TRPM7: variants seen among roughly 807,000 people sequenced by gnomAD.
The protein encoded by TRPM7 is transient receptor potential cation channel subfamily M member 7.
TRPM7 carries 134 observed loss-of-function variants against 229.7 expected under a neutral mutation model. That is an observed-to-expected ratio of 0.58 (90% confidence interval 0.51 to 0.67). The LOEUF (loss-of-function observed/expected upper bound fraction) is 0.67, where lower values mean the gene tolerates loss of function less well. TRPM7 is among the 30% of genes least tolerant of loss of function. TRPM7 has a pLI of 0.00. For missense variants in TRPM7, 1,901 were observed against 2,210.0 expected, an observed-to-expected ratio of 0.86 and a Z score of 2.80; for synonymous variants, 699 against 715.2, an observed-to-expected ratio of 0.98 and a Z score of 0.36.
At chr15:50,596,509 T>A in intron 22 of TRPM7, 128 bp from the exon 23 acceptor site, 3 of 758,970 alleles carry the variant, frequency 4.0e-6, no homozygotes, top group Non-Finnish European at 5.7e-6. Context: ...CAAATCTGTT[T>A]CACAGATTCC....
chr15:50,653,739 G>T (rs1276636282), intron 3 of TRPM7, among the ~76,000 whole-genome samples: 1 of 152,042 alleles, frequency 6.6e-6, no homozygotes, highest in African/African-American at 2.4e-5. Flanking sequence ...CAGAGAAAAG[G>T]GAGCTATAAA....
intron 6 of TRPM7, 30 bp from the exon 7 acceptor site, chr15:50,637,623 A>G: frequency 6.3e-7 from 1 of 1,592,738 alleles, no homozygotes; most frequent in Non-Finnish European, 8.6e-7. Flanking sequence ...AGAGTTAGTG[A>G]GCAGGATTAA....
chr15:50,631,525 T>C (rs774214888), intron 9 of TRPM7, 36 bp from the exon 10 acceptor site: 1 of 1,434,530 alleles, frequency 7.0e-7, no homozygotes, highest in South Asian at 1.2e-5. Context: ...TATGCCTTTA[T>C]ATTTTTAAAA....
intron 33 of TRPM7, 42 bp from the exon 34 acceptor site, chr15:50,575,177 T>C (rs1419621018): frequency 6.7e-7 from 1 of 1,502,642 alleles, no homozygotes; most frequent in Non-Finnish European, 8.9e-7. Flanking sequence ...AATTGTGACT[T>C]TTTAAAAACG....
At chr15:50,577,681 T>C (rs2054201604) in intron 31 of TRPM7, among the ~76,000 whole-genome samples, 1 of 152,178 alleles carries the variant, frequency 6.6e-6, no homozygotes, top group African/African-American at 2.4e-5. Flanking sequence ...GAACACATGC[T>C]AACTCTGACT....
intron 10 of TRPM7, among the ~76,000 whole-genome samples, chr15:50,630,309 G>A (rs552867397): frequency 6.6e-6 from 1 of 151,834 alleles, no homozygotes. Flanking sequence ...TTGATGTATT[G>A]GCAATTTATT....
Position 50,561,828 on chromosome 15 carries a change from C to T in TRPM7, c.5468-20G>A, listed in dbSNP as rs749954508. On this transcript the variant is annotated intron_variant, in intron 38 of 38. Coordinates refer to ENST00000646667, the MANE Select transcript of TRPM7 (RefSeq NM_017672.6). The stretch of plus-strand genomic sequence containing the variant: ...TCAGATCTACATTGAACACCCACAA[C>T]AATTAAAAAAAAAAAAGAAAGAGAA... 12 of 1,426,950 alleles carry T rather than the reference C, an allele frequency of 8.4e-6. No homozygotes were observed. In the East Asian group the frequency reaches 2.8e-4, roughly 34 times the overall value. 88.4% of individuals were successfully genotyped at this position (1,426,950 alleles called of 1,614,324 possible).
chr15:50,653,334 T>C (rs12901621), intron 3 of TRPM7, among the ~76,000 whole-genome samples: 11,817 of 152,286 alleles, frequency 0.078, 563 homozygotes, highest in South Asian at 0.12. Context: ...CTGTTCATTA[T>C]AAGCACTGTC....
chr15:50,607,531 G>A (rs1476340812), intron 19 of TRPM7, among the ~76,000 whole-genome samples: 1 of 152,112 alleles, frequency 6.6e-6, no homozygotes, highest in African/African-American at 2.4e-5. Context: ...GGTCCCCAGA[G>A]TATAAACGTG....
chr15:50,639,661 G>C, intron 5 of TRPM7, 113 bp from the exon 6 acceptor site: 1 of 868,498 alleles, frequency 1.2e-6, no homozygotes. Flanking sequence ...CAAACTCCTG[G>C]ACTCAAGCGA....
intron 4 of TRPM7, among the ~76,000 whole-genome samples, chr15:50,645,173 G>A (rs935179730): frequency 5.3e-5 from 8 of 152,048 alleles, no homozygotes; most frequent in South Asian, 2.1e-4. Flanking sequence ...CCAAAGTGCT[G>A]GGATTACAGA....
intron 28 of TRPM7, 40 bp downstream of exon 28, chr15:50,586,352 G>C (rs1441035329): frequency 1.6e-6 from 2 of 1,270,270 alleles, no homozygotes; most frequent in Non-Finnish European, 2.3e-6. Context: ...GTGTAAATGA[G>C]TATGTTTTCT....
At chr15:50,578,599 TTC>T in intron 31 of TRPM7, 38 bp downstream of exon 31, 2 of 1,593,504 alleles carry the variant, frequency 1.3e-6, no homozygotes, top group Non-Finnish European at 1.7e-6. Flanking sequence ...TCATGTAAGA[TTC>T]TCATTTTTTT....
At chr15:50,580,975 C>A in intron 29 of TRPM7, 67 bp from the exon 30 acceptor site, 4 of 1,488,228 alleles carry the variant, frequency 2.7e-6, no homozygotes, top group Middle Eastern at 1.8e-4. Flanking sequence ...TGAAGCATAA[C>A]GGTTTAACTT....
intron 3 of TRPM7, among the ~76,000 whole-genome samples, chr15:50,654,715 TG>T (rs2061509877): frequency 6.6e-6 from 1 of 151,120 alleles, no homozygotes; most frequent in South Asian, 2.1e-4. Context: ...ATTCACTGGA[TG>T]GGCTGGGCGC....
intron 7 of TRPM7, among the ~76,000 whole-genome samples, chr15:50,635,668 A>C (rs886632993): frequency 1.5e-5 from 1 of 67,650 alleles, no homozygotes; most frequent in Non-Finnish European, 2.9e-5. Flanking sequence ...ATCTCCCAAA[A>C]AAAAAAAAAA....
intron 38 of TRPM7, among the ~76,000 whole-genome samples, chr15:50,563,023 A>C (rs1021553078): frequency 2.6e-5 from 4 of 152,198 alleles, no homozygotes; most frequent in Admixed American, 2.6e-4. Flanking sequence ...AATGGTAAGA[A>C]GACAGTGTGG....
chr15:50,664,086 T>G (rs989123981), intron 1 of TRPM7, among the ~76,000 whole-genome samples: 3 of 152,004 alleles, frequency 2.0e-5, no homozygotes, highest in Non-Finnish European at 4.4e-5. Context: ...GATCACAAAG[T>G]CAGAAGACCA....
intron 3 of TRPM7, among the ~76,000 whole-genome samples, chr15:50,654,342 G>A (rs1363646109): frequency 6.6e-6 from 1 of 151,342 alleles, no homozygotes; most frequent in East Asian, 1.9e-4. Flanking sequence ...AGCTACTCGG[G>A]AGGCTAAGGC....
Sources: allele counts gnomAD v4.1 joint callset (sites outside exome capture counted in the v4.1 genomes callset), GRCh38; gene constraint gnomAD v4.1.1; transcripts MANE v1.5; gene names NCBI Gene and HGNC (gene_info 2026-07-23, HGNC 2026-07-21).